CAPZB: variants seen among roughly 807,000 people sequenced by gnomAD.
CAPZB encodes capping actin protein of muscle Z-line subunit beta.
CAPZB carries 2 observed loss-of-function variants against 38.1 expected under a neutral mutation model. The observed-to-expected ratio is 0.05, with a 90% confidence interval of 0.02 to 0.17. CAPZB has a LOEUF of 0.17. Ranked by LOEUF, CAPZB falls within the 10% of genes least tolerant of loss-of-function variation. The pLI, the probability that CAPZB is intolerant of heterozygous loss-of-function variation, is 1.00. For synonymous variants in CAPZB, 107 were observed against 127.4 expected (o/e 0.84, Z 1.08); for missense variants, 161 against 334.2 (o/e 0.48, Z 4.04).
intron 4 of CAPZB, among the ~76,000 whole-genome samples, chr1:19,364,911 A>C (rs748602969): frequency 2.0e-5 from 3 of 151,644 alleles, no homozygotes; most frequent in Non-Finnish European, 2.9e-5. Context: ...CAATGGCATG[A>C]CCATGGCTCA....
At chr1:19,404,690 C>T (rs1437252775) in intron 2 of CAPZB, among the ~76,000 whole-genome samples, 1 of 152,132 alleles carries the variant, frequency 6.6e-6, no homozygotes, top group Non-Finnish European at 1.5e-5. Flanking sequence ...ACCTATCTGG[C>T]CAAACAGGGA....
intron 2 of CAPZB, among the ~76,000 whole-genome samples, chr1:19,419,400 A>C (rs532919291): frequency 6.6e-6 from 1 of 152,292 alleles, no homozygotes; most frequent in African/African-American, 2.4e-5. Flanking sequence ...AACTGAAGAC[A>C]AGGCAGCTGG....
intron 2 of CAPZB, among the ~76,000 whole-genome samples, chr1:19,389,087 C>G (rs889186325): frequency 1.3e-5 from 2 of 152,150 alleles, no homozygotes; most frequent in Non-Finnish European, 2.9e-5. Context: ...GGAATAATAA[C>G]ATTTTCGTTG....
chr1:19,351,713 T>C (rs145059944), intron 6 of CAPZB, among the ~76,000 whole-genome samples: 125 of 152,320 alleles, frequency 8.2e-4, no homozygotes, highest in African/African-American at 2.8e-3. Context: ...TGAAACCTGC[T>C]TCCTTTTATG....
chr1:19,355,335 A>T (rs573879958), intron 6 of CAPZB, among the ~76,000 whole-genome samples: 1 of 152,160 alleles, frequency 6.6e-6, no homozygotes, highest in South Asian at 2.1e-4. Flanking sequence ...CTCTACTAAA[A>T]ATACAAAAAA....
chr1:19,376,172 A>G (rs2094143467), intron 4 of CAPZB, among the ~76,000 whole-genome samples: 1 of 152,246 alleles, frequency 6.6e-6, no homozygotes, highest in South Asian at 2.1e-4. Flanking sequence ...CTCAACATGC[A>G]GCCCAGTAAT....
At chr1:19,359,490 CCCTGCGGCAGGACCACAT>C (rs2094041366) in intron 4 of CAPZB, among the ~76,000 whole-genome samples, 1 of 152,170 alleles carries the variant, frequency 6.6e-6, no homozygotes, top group African/African-American at 2.4e-5. Flanking sequence ...TGCGGCCAGC[CCCTGCGGCAGGACCACAT>C]CCTGTCCCAT....
At chr1:19,406,374 G>A (rs1453495219) in intron 2 of CAPZB, among the ~76,000 whole-genome samples, 5 of 152,128 alleles carry the variant, frequency 3.3e-5, no homozygotes, top group South Asian at 2.1e-4. Flanking sequence ...GGATGCTTCC[G>A]TCTCCATCAG....
At chr1:19,352,200 C>T (rs186632054) in intron 6 of CAPZB, among the ~76,000 whole-genome samples, 1 of 152,344 alleles carries the variant, frequency 6.6e-6, no homozygotes, top group Admixed American at 6.5e-5. Context: ...AACTGCCAAA[C>T]GCAAGTCAAA....
At chr1:19,479,105 G>A (rs1283430303) in intron 1 of CAPZB, among the ~76,000 whole-genome samples, 1 of 152,202 alleles carries the variant, frequency 6.6e-6, no homozygotes, top group Non-Finnish European at 1.5e-5. Context: ...AGCTACTTGG[G>A]AGGCTGAGGC....
At chr1:19,451,209 G>A (rs1197795177) in intron 1 of CAPZB, among the ~76,000 whole-genome samples, 1 of 152,204 alleles carries the variant, frequency 6.6e-6, no homozygotes, top group Admixed American at 6.5e-5. Context: ...ATCAACCTCA[G>A]CAGTTGAGTT....
intron 1 of CAPZB, among the ~76,000 whole-genome samples, chr1:19,472,708 C>CTTTTTTT (rs2094593438): frequency 9.9e-6 from 1 of 100,946 alleles, no homozygotes; most frequent in African/African-American, 4.2e-5. Context: ...TTTCATTCTT[C>CTTTTTTT]ATTTTTTTTT....
chr1:19,377,498 G>C (rs565155318), intron 4 of CAPZB, among the ~76,000 whole-genome samples: 4 of 152,272 alleles, frequency 2.6e-5, no homozygotes, highest in Admixed American at 1.3e-4. Context: ...GTATATAATA[G>C]AACTACAGAC....
intron 8 of CAPZB, among the ~76,000 whole-genome samples, chr1:19,343,738 C>T (rs1309280313): frequency 1.3e-5 from 2 of 152,236 alleles, no homozygotes; most frequent in Non-Finnish European, 2.9e-5. Context: ...CCAGAGAGCG[C>T]CCGGCTTTTG....
At chr1:19,438,801 T>C (rs2094466483) in intron 1 of CAPZB, among the ~76,000 whole-genome samples, 2 of 152,194 alleles carry the variant, frequency 1.3e-5, no homozygotes, top group Admixed American at 1.3e-4. Context: ...AGGACACAGG[T>C]GCTGTGCGTG....
At chr1:19,447,478 G>A (rs899258451) in intron 1 of CAPZB, among the ~76,000 whole-genome samples, 43 of 148,680 alleles carry the variant, frequency 2.9e-4, no homozygotes, top group Middle Eastern at 3.4e-3. Flanking sequence ...CGGGTGATCT[G>A]CCCACCTCGG....
intron 1 of CAPZB, among the ~76,000 whole-genome samples, chr1:19,438,118 G>A (rs567427419): frequency 6.6e-6 from 1 of 152,270 alleles, no homozygotes; most frequent in Admixed American, 6.5e-5. Context: ...ACATGGTTCC[G>A]AGGTCATGCT....
At chr1:19,341,565 C>T (rs763979077) in intron 8 of CAPZB, among the ~76,000 whole-genome samples, 2 of 152,198 alleles carry the variant, frequency 1.3e-5, no homozygotes, top group African/African-American at 4.8e-5. Context: ...CAAGCAACCT[C>T]GAATCAGCGC....
Position 19,476,217 on chromosome 1 carries a change from T to TAGACAGACAGAC in CAPZB, c.3+9218_3+9219insGTCTGTCTGTCT, listed in dbSNP as rs1225587567. ...ATAGATAGATAGATAGATAGATAGA[T>TAGACAGACAGAC]AGATAGATAGGCAGGCAGGCAGGCA... is the stretch of plus-strand genomic sequence containing the variant. On this transcript the variant is annotated intron_variant, in intron 1 of 8. Coordinates refer to ENST00000264202, the MANE Select transcript of CAPZB (RefSeq NM_004930.5). Among the ~76,000 whole-genome samples the TAGACAGACAGAC allele has an allele frequency of 3.1e-3, 229 of 74,928 alleles. 3 individuals are homozygous for TAGACAGACAGAC. The highest frequency in any genetic ancestry group is 8.1e-3 in the African/African-American group (216 of 26,590). The allele number at this position is 74,928 out of a possible 152,430, so 49.2% of individuals were successfully genotyped here. A position where few individuals can be genotyped will look rare whatever the true frequency, so the allele number is the denominator to read the frequency against.
Sources: allele counts gnomAD v4.1 joint callset (sites outside exome capture counted in the v4.1 genomes callset), GRCh38; gene constraint gnomAD v4.1.1; transcripts MANE v1.5; gene names NCBI Gene and HGNC (gene_info 2026-07-23, HGNC 2026-07-21).